Variants in MALRD1 observed in about 807,000 individuals in gnomAD.
MALRD1 encodes the protein MAM and LDL receptor class A domain containing 1, also known as MAM and LDL-receptor class A domain-containing protein 1.
A neutral mutation model predicts 242.1 loss-of-function variants in MALRD1; 247 were observed. The ratio of observed to expected loss-of-function variants is 1.02; its 90% CI spans 0.92 to 1.13. MALRD1 has a LOEUF of 1.13. MALRD1 is among the 50% of genes most tolerant of loss of function. The pLI is 0.00. For synonymous variants in MALRD1, 995 were observed against 866.6 expected (o/e 1.15, Z -2.60); for missense variants, 2,989 against 2,533.1 (o/e 1.18, Z -3.86).
At chr10:19,406,274 G>A (rs1180725416) in intron 28 of MALRD1, among the ~76,000 whole-genome samples, 1 of 152,110 alleles carries the variant, frequency 6.6e-6, no homozygotes, top group Admixed American at 6.6e-5. Context: ...CAGAATATTT[G>A]TTTAGTTGTG....
intron 36 of MALRD1, among the ~76,000 whole-genome samples, chr10:19,646,985 G>A (rs1840688796): frequency 6.6e-6 from 1 of 152,146 alleles, no homozygotes; most frequent in South Asian, 2.1e-4. Context: ...TGAGCAGACA[G>A]GAGAAAGGAA....
chr10:19,139,613 C>T (rs935484635), intron 10 of MALRD1, among the ~76,000 whole-genome samples: 1 of 152,110 alleles, frequency 6.6e-6, no homozygotes, highest in African/African-American at 2.4e-5. Flanking sequence ...TCACTCAGGT[C>T]TTCTGTCATT....
At chr10:19,320,994 GCA>G (rs375204306) in intron 21 of MALRD1, among the ~76,000 whole-genome samples, 60 of 151,198 alleles carry the variant, frequency 4.0e-4, no homozygotes, top group African/African-American at 1.3e-3. Flanking sequence ...TGGTTATATT[GCA>G]AAAATTTTCT....
intron 26 of MALRD1, among the ~76,000 whole-genome samples, chr10:19,366,264 C>G (rs976508328): frequency 6.6e-5 from 10 of 151,692 alleles, no homozygotes; most frequent in African/African-American, 2.2e-4. Context: ...AGTGACAGAT[C>G]ATCAGGCATT....
At chr10:19,362,061 C>T (rs1035218870) in intron 26 of MALRD1, among the ~76,000 whole-genome samples, 77 of 152,142 alleles carry the variant, frequency 5.1e-4, no homozygotes, top group East Asian at 3.9e-4. Context: ...TTTTTGCCTG[C>T]GTCAGCTTTG....
chr10:19,596,468 G>C (rs1299431834), intron 34 of MALRD1, among the ~76,000 whole-genome samples: 1 of 152,094 alleles, frequency 6.6e-6, no homozygotes, highest in South Asian at 2.1e-4. Flanking sequence ...AGTGGCTCAG[G>C]CCTATTATCC....
chr10:19,114,682 G>A (rs916963643), intron 5 of MALRD1, among the ~76,000 whole-genome samples: 1 of 152,106 alleles, frequency 6.6e-6, no homozygotes, highest in Non-Finnish European at 1.5e-5. Context: ...GGACCACTAT[G>A]CACCTGCCCT....
intron 21 of MALRD1, chr10:19,290,177 A>C (rs961095903): frequency 2.0e-5 from 3 of 152,128 alleles, no homozygotes; most frequent in African/African-American, 7.2e-5. Flanking sequence ...TTGCATCCAC[A>C]ATTTAATGGA....
At chr10:19,391,963 T>C (rs1846357569) in intron 28 of MALRD1, among the ~76,000 whole-genome samples, 1 of 152,214 alleles carries the variant, frequency 6.6e-6, no homozygotes, top group Non-Finnish European at 1.5e-5. Context: ...GGATGGCCAT[T>C]GTGCATTACA....
At position 19,498,589 on chromosome 10, in the gene MALRD1, G is replaced by T. The variant is rs774964154; in HGVS notation, c.5263G>T (p.Ala1755Ser). The T allele has an allele frequency of 7.1e-6, 11 of 1,550,122 alleles. No homozygotes were observed. Among genetic ancestry groups the T allele is most frequent in the Non-Finnish European group, 9.6e-6 (11 of 1,146,796 alleles). Reference protein sequence around the residue: ...TQDSEDDLDWAIGSRIPAKAL... With the variant: ...TQDSEDDLDWSIGSRIPAKAL... ...AGACTCTGAGGATGACTTGGACTGG[G>T]CCATTGGCAGCAGAATTCCTGCCAA... The change falls in exon 31 of 40, where the codon GCC becomes TCC. Residue 1755 changes from alanine to serine, a missense_variant. Coordinates refer to ENST00000454679, the MANE Select transcript of MALRD1 (RefSeq NM_001142308.3).
intron 33 of MALRD1, among the ~76,000 whole-genome samples, chr10:19,578,907 A>G (rs1008603703): frequency 1.3e-5 from 2 of 152,128 alleles, no homozygotes; most frequent in Non-Finnish European, 2.9e-5. Flanking sequence ...GTTCTGACCA[A>G]CAATCTCCAA....
intron 38 of MALRD1, among the ~76,000 whole-genome samples, chr10:19,703,771 T>C (rs1833727108): frequency 6.6e-6 from 1 of 152,132 alleles, no homozygotes; most frequent in African/African-American, 2.4e-5. Context: ...GGCAGGTCCC[T>C]GTAATCCCAG....
chr10:19,617,749 A>G (rs1839226716), intron 36 of MALRD1, among the ~76,000 whole-genome samples: 1 of 151,930 alleles, frequency 6.6e-6, no homozygotes, highest in East Asian at 1.9e-4. Flanking sequence ...GATCCCTTAT[A>G]TATTCTTTTA....
chr10:19,666,469 T>C (rs1841689850), intron 36 of MALRD1, among the ~76,000 whole-genome samples: 1 of 152,196 alleles, frequency 6.6e-6, no homozygotes, highest in Non-Finnish European at 1.5e-5. Context: ...CCTGTTCTTA[T>C]TCAGATTCTC....
At position 19,387,590 on chromosome 10, in the gene MALRD1, T is replaced by A. The variant is rs759237998; in HGVS notation, c.4504T>A (p.Cys1502Ser). Residue 1502 changes from cysteine (C) to serine (S), a missense_variant, in exon 27 of 40, where the codon TGT becomes AGT. By Grantham distance (112) the Cys-to-Ser change is moderately radical. Coordinates refer to ENST00000454679, the MANE Select transcript of MALRD1 (RefSeq NM_001142308.3). ...NGKCYRLEQS[C>S]NFVDNCGDNT... ...AAAATGCTATAGGCTGGAACAAAGC[T>A]GTAACTTCGTAGATAACTGTGGAGA... 7.7e-6 allele frequency: 12 copies of A among 1,550,486 alleles called. No homozygotes were observed. The highest frequency in any genetic ancestry group is 1.0e-5 in the Non-Finnish European group (12 of 1,146,896).
chr10:19,162,149 G>T (rs532653987), intron 12 of MALRD1, among the ~76,000 whole-genome samples: 5 of 152,070 alleles, frequency 3.3e-5, no homozygotes, highest in South Asian at 2.1e-4. Flanking sequence ...CTATTTTCAC[G>T]ATTTTGTAGT....
intron 2 of MALRD1, among the ~76,000 whole-genome samples, chr10:19,086,904 C>T (rs1029858054): frequency 2.6e-5 from 4 of 152,034 alleles, no homozygotes; most frequent in Admixed American, 1.3e-4. Flanking sequence ...TGTTCCCATA[C>T]ATCTTTCTGC....
At position 19,205,004 on chromosome 10, in the gene MALRD1, C is replaced by G. The variant is rs1836722736; in HGVS notation, c.2317C>G (p.Gln773Glu). The change falls in exon 17 of 40, where the codon CAA becomes GAA. Residue 773 changes from glutamine to glutamate, a missense_variant. By Grantham distance (29) the Gln-to-Glu change is conservative. Transcript: ENST00000454679. ...GAGAGTATTATACAATCAGGGCAAA[C>G]AATGGTTGGAGGCAACCATTCAGCT... ...IWRVLYNQGK[Q>E]WLEATIQLGR... The G allele has an allele frequency of 1.3e-6, 2 of 1,550,824 alleles. No homozygotes were observed. The highest frequency in any genetic ancestry group is 8.7e-7 in the Non-Finnish European group (1 of 1,147,036).
intron 7 of MALRD1, among the ~76,000 whole-genome samples, chr10:19,125,267 C>CTCTTTCTT (rs200758216): frequency 4.4e-5 from 6 of 135,070 alleles, no homozygotes; most frequent in South Asian, 2.4e-4. Context: ...CTCTTTCTTT[C>CTCTTTCTT]TCTTTCTTTC....
Sources: gnomAD v4.1 joint callset for allele counts (sites outside exome capture counted in the v4.1 genomes callset) on GRCh38, gnomAD v4.1.1 for gene constraint, MANE v1.5 for transcripts, NCBI Gene and HGNC (gene_info 2026-07-23, HGNC 2026-07-21) for gene names.